EFCAB9: variants seen among roughly 807,000 people sequenced by gnomAD.
The protein encoded by EFCAB9 is EF-hand calcium binding domain 9, also known as EF-hand calcium-binding domain-containing protein 9.
EFCAB9 carries 16 observed loss-of-function variants against 15.6 expected under a neutral mutation model. The ratio of observed to expected loss-of-function variants is 1.03; its 90% CI spans 0.69 to 1.56. The LOEUF is 1.56. Among genes scored for constraint, EFCAB9 ranks in the 40% most tolerant of loss-of-function variants. The pLI is 0.00. For synonymous variants in EFCAB9, 76 were observed against 85.4 expected, an observed-to-expected ratio of 0.89 and a Z score of 0.61; for missense variants, 208 against 235.4, an observed-to-expected ratio of 0.88 and a Z score of 0.76.
At chr5:172,202,001 G>C (rs141987126) in intron 3 of EFCAB9, among the ~76,000 whole-genome samples, 32 of 152,268 alleles carry the variant, frequency 2.1e-4, no homozygotes, top group African/African-American at 7.7e-4. Flanking sequence ...GACTTCACAT[G>C]GTAATGATCG....
intron 1 of EFCAB9, among the ~76,000 whole-genome samples, chr5:172,195,992 G>C (rs1305032548): frequency 6.6e-6 from 1 of 151,854 alleles, no homozygotes; most frequent in East Asian, 1.9e-4. Context: ...TAGTAAAGAC[G>C]GGCGGGGTTT....
intron 3 of EFCAB9, among the ~76,000 whole-genome samples, chr5:172,202,375 C>T (rs1033062379): frequency 2.7e-5 from 4 of 145,508 alleles, no homozygotes; most frequent in Non-Finnish European, 4.5e-5. Context: ...TGGCAAAAGC[C>T]GCAATTACTT....
At chr5:172,197,309 G>A (rs1338624947) in intron 1 of EFCAB9, among the ~76,000 whole-genome samples, 1 of 151,984 alleles carries the variant, frequency 6.6e-6, no homozygotes, top group African/African-American at 2.4e-5. Flanking sequence ...TTTTCTCCAT[G>A]TTGGTCAGGC....
chr5:172,201,810 G>C (rs1178595440), intron 3 of EFCAB9, among the ~76,000 whole-genome samples: 1 of 151,920 alleles, frequency 6.6e-6, no homozygotes, highest in Non-Finnish European at 1.5e-5. Flanking sequence ...GGAGTTCCAG[G>C]CCAGCCCGGG....
chr5:172,198,244 C>T (rs1259701307), intron 1 of EFCAB9, among the ~76,000 whole-genome samples: 1 of 152,154 alleles, frequency 6.6e-6, no homozygotes, highest in Admixed American at 6.5e-5. Flanking sequence ...TGCACTGGCT[C>T]ACACCTATAA....
chr5:172,202,792 G>A (rs1771279030), intron 3 of EFCAB9, among the ~76,000 whole-genome samples: 1 of 151,922 alleles, frequency 6.6e-6, no homozygotes, highest in South Asian at 2.1e-4. Flanking sequence ...ATGAGGTCAG[G>A]AGTTTGAGAC....
At chr5:172,200,836 AG>A in intron 3 of EFCAB9, 94 bp downstream of exon 3, 2 of 1,281,250 alleles carry the variant, frequency 1.6e-6, no homozygotes, top group Non-Finnish European at 2.1e-6. Flanking sequence ...ATGGGAGAGG[AG>A]GAGGGAGGGA....
intron 1 of EFCAB9, among the ~76,000 whole-genome samples, chr5:172,198,838 A>T (rs986330259): frequency 3.3e-5 from 5 of 151,898 alleles, no homozygotes; most frequent in East Asian, 1.9e-4. Context: ...CTGGTCTCAA[A>T]CTCCTGACCT....
chr5:172,195,255 A>G (rs1387797224), intron 1 of EFCAB9, among the ~76,000 whole-genome samples: 2 of 152,118 alleles, frequency 1.3e-5, no homozygotes, highest in African/African-American at 4.8e-5. Flanking sequence ...ACAAACTAAT[A>G]GAAGTCCAAT....
At chr5:172,198,779 C>G (rs1405067354) in intron 1 of EFCAB9, among the ~76,000 whole-genome samples, 1 of 152,124 alleles carries the variant, frequency 6.6e-6, no homozygotes, top group Non-Finnish European at 1.5e-5. Flanking sequence ...CCACGCCTGG[C>G]TAATTTTTGT....
chr5:172,198,827 G>T (rs976413964), intron 1 of EFCAB9, among the ~76,000 whole-genome samples: 68 of 152,152 alleles, frequency 4.5e-4, no homozygotes, highest in African/African-American at 1.5e-3. Flanking sequence ...TATTGGCTAG[G>T]CTGGTCTCAA....
At chr5:172,199,641 TG>T (rs1771223940) in intron 2 of EFCAB9, 110 bp downstream of exon 2, 1 of 1,418,814 alleles carries the variant, frequency 7.0e-7, no homozygotes, top group Non-Finnish European at 9.3e-7. Flanking sequence ...AGATGGGTGG[TG>T]GGGAAAATGA....
Position 172,194,227 on chromosome 5 carries a change from T to C in EFCAB9, c.55T>C (p.Cys19Arg). 6.5e-7 allele frequency: 1 copy of C among 1,537,784 alleles called. No individual in the cohort carries two copies. The highest frequency in any genetic ancestry group is 1.2e-5 in the South Asian group (1 of 84,066). ...GTACCTCTATCTGGACAAAATATACTGCTTATTATCCGTGAGAAACGTGAA... is the reference window on the plus strand; with the variant it reads ...GTACCTCTATCTGGACAAAATATACCGCTTATTATCCGTGAGAAACGTGAA... ...LWYLYLDKIYCLLSVRNVKAL... is the reference protein window; with the variant it reads ...LWYLYLDKIYRLLSVRNVKAL... Residue 19 changes from cysteine to arginine, a missense_variant, in exon 1 of 4, where the codon TGC (cysteine) becomes CGC (arginine). By Grantham distance (180) the Cys-to-Arg change is radical (BLOSUM62 -3). Transcript: ENST00000398186.
chr5:172,199,510 G>A lies in EFCAB9; in HGVS notation c.264G>A (p.Val88=). 6.5e-7 allele frequency: 1 copy of A among 1,537,308 alleles called. No homozygotes were observed. The highest frequency in any genetic ancestry group is 8.7e-7 in the Non-Finnish European group (1 of 1,146,920). ...ACTTTGAGAAGTTCTACATGCTGGT[G>A]TGCATGCTGCTGGCCCACCAGGCAA... The part of the protein sequence containing the change: ...EIDFEKFYML[V]CMLLAHQNHL... Residue 88 remains valine, a synonymous_variant, in exon 2 of 4, where the codon GTG becomes GTA. Transcript: ENST00000398186.
intron 2 of EFCAB9, among the ~76,000 whole-genome samples, 152 bp from the exon 3 acceptor site, chr5:172,200,414 T>A (rs1432097523): frequency 6.6e-6 from 1 of 152,238 alleles, no homozygotes; most frequent in African/African-American, 2.4e-5. Context: ...CTGCATTTGC[T>A]GATAGAACCC....
At position 172,199,523 on chromosome 5, in the gene EFCAB9, G is replaced by A; in HGVS notation, c.277G>A (p.Ala93Thr). The change falls in exon 2 of 4, where the codon GCC becomes ACC. Residue 93 changes from alanine (A) to threonine (T), a missense_variant. By Grantham distance (58) the Ala-to-Thr change is moderately conservative. Transcript: ENST00000398186. ...CTACATGCTGGTGTGCATGCTGCTG[G>A]CCCACCAGGCAAGTAGCCGCGCGGC... ...KFYMLVCMLL[A>T]HQNHLEGQFM... 1.3e-6 allele frequency: 2 copies of A among 1,537,156 alleles called. No individual in the cohort carries two copies. The highest frequency in any genetic ancestry group is 8.7e-7 in the Non-Finnish European group (1 of 1,146,856).
chr5:172,203,183 A>G, intron 3 of EFCAB9, 31 bp from the exon 4 acceptor site: 1 of 1,429,268 alleles, frequency 7.0e-7, no homozygotes, highest in Non-Finnish European at 9.1e-7. Context: ...TTCCTGAAAT[A>G]ATTTTTCTTT....
rs746249846 is a variant in EFCAB9 at position 172,200,723 on chromosome 5, T to C, written c.443T>C (p.Phe148Ser). 2.0e-6 allele frequency: 3 copies of C among 1,537,268 alleles called. No individual in the cohort carries two copies. In the South Asian group the frequency reaches 3.6e-5, roughly 18 times the overall value. ...GAACTCAAAGATCTCTTCCGTGACT[T>C]TGACATTACAGGTGACAATGTAAGT... is the stretch of plus-strand genomic sequence containing the variant. ...KQELKDLFRD[F>S]DITGDNRLNY... Residue 148 changes from phenylalanine to serine, a missense_variant, in exon 3 of 4, where the codon TTT (phenylalanine) becomes TCT (serine). Physicochemically the swap from Phe to Ser is radical, Grantham distance 155 (BLOSUM62 -2). Coordinates refer to ENST00000398186, the MANE Select transcript of EFCAB9 (RefSeq NM_001171183.2).
At chr5:172,195,229 C>T (rs1163662899) in intron 1 of EFCAB9, among the ~76,000 whole-genome samples, 2 of 151,658 alleles carry the variant, frequency 1.3e-5, no homozygotes, top group African/African-American at 2.4e-5. Flanking sequence ...AGATCTCAGC[C>T]ATGCTTGTTG....
Sources: gnomAD v4.1 joint callset for allele counts (sites outside exome capture counted in the v4.1 genomes callset) on GRCh38, gnomAD v4.1.1 for gene constraint, MANE v1.5 for transcripts, NCBI Gene and HGNC (gene_info 2026-07-23, HGNC 2026-07-21) for gene names.